The following ABI3BP variants were observed in gnomAD, a reference collection of about 807,000 sequenced individuals.
The protein encoded by ABI3BP is target of Nesh-SH3.
ABI3BP carries 216 observed loss-of-function variants against 268.6 expected under a neutral mutation model. The ratio of observed to expected loss-of-function variants is 0.80; its 90% CI spans 0.72 to 0.90. The LOEUF (loss-of-function observed/expected upper bound fraction) is 0.90, where lower values mean the gene tolerates loss of function less well. Among genes scored for constraint, ABI3BP ranks in the 40% least tolerant of loss-of-function variants. The pLI, the probability that ABI3BP is intolerant of heterozygous loss-of-function variation, is 0.00. For missense variants in ABI3BP, 2,090 were observed against 2,182.4 expected, an observed-to-expected ratio of 0.96 and a Z score of 0.84; for synonymous variants, 730 against 730.0, an observed-to-expected ratio of 1.00 and a Z score of 0.00.
chr3:100,832,240 A>G (rs1304723337), intron 31 of ABI3BP, 24 bp downstream of exon 31: 2 of 1,532,724 alleles, frequency 1.3e-6, no homozygotes, highest in East Asian at 2.4e-5. Flanking sequence ...CTTGGATTCT[A>G]CAAAACAGAA....
intron 1 of ABI3BP, among the ~76,000 whole-genome samples, chr3:100,987,227 T>C (rs1374449338): frequency 6.6e-6 from 1 of 152,226 alleles, no homozygotes; most frequent in Non-Finnish European, 1.5e-5. Flanking sequence ...TCCCATCTCC[T>C]GAATGGCATT....
intron 45 of ABI3BP, 123 bp from the exon 46 acceptor site, chr3:100,812,646 A>G: frequency 1.9e-6 from 1 of 518,078 alleles, no homozygotes; most frequent in Admixed American, 4.3e-5. Context: ...ATTAACACTA[A>G]GGGAAGCTCT....
chr3:100,880,857 A>G (rs1581716206), intron 6 of ABI3BP, among the ~76,000 whole-genome samples: 1 of 152,158 alleles, frequency 6.6e-6, no homozygotes, highest in South Asian at 2.1e-4. Flanking sequence ...TCCATTTGAC[A>G]TTTTTGTGGC....
intron 51 of ABI3BP, among the ~76,000 whole-genome samples, chr3:100,803,862 C>A (rs907360753): frequency 3.3e-5 from 5 of 152,146 alleles, no homozygotes; most frequent in African/African-American, 1.2e-4. Flanking sequence ...ACCAAAGTGA[C>A]TATACCACAG....
intron 29 of ABI3BP, among the ~76,000 whole-genome samples, chr3:100,834,326 G>T (rs1560586209): frequency 6.6e-6 from 1 of 152,016 alleles, no homozygotes; most frequent in African/African-American, 2.4e-5. Flanking sequence ...TAAGTCATTT[G>T]TTTTTTTCTA....
At chr3:100,873,000 A>G (rs1378616501) in intron 9 of ABI3BP, among the ~76,000 whole-genome samples, 1 of 152,176 alleles carries the variant, frequency 6.6e-6, no homozygotes, top group Non-Finnish European at 1.5e-5. Context: ...AATTTTCAAA[A>G]ATTGTAAGTC....
intron 1 of ABI3BP, among the ~76,000 whole-genome samples, chr3:100,933,916 T>C (rs1432872060): frequency 2.0e-5 from 3 of 151,946 alleles, no homozygotes; most frequent in African/African-American, 4.8e-5. Context: ...TAAGCAGCTA[T>C]AGACATCATA....
intron 29 of ABI3BP, among the ~76,000 whole-genome samples, chr3:100,834,308 C>T (rs1195120797): frequency 1.3e-5 from 2 of 152,122 alleles, no homozygotes; most frequent in Non-Finnish European, 2.9e-5. Context: ...TGAAGAGTCT[C>T]ACACAGGTAA....
chr3:100,837,092 A>T (rs1291692743), intron 27 of ABI3BP, 32 bp downstream of exon 27: 2 of 1,513,772 alleles, frequency 1.3e-6, no homozygotes, highest in Non-Finnish European at 1.8e-6. Context: ...GCTCAGAGAA[A>T]CATTGGCCAA....
intron 1 of ABI3BP, among the ~76,000 whole-genome samples, chr3:100,935,020 GCT>G (rs2065415593): frequency 1.3e-5 from 2 of 151,206 alleles, no homozygotes; most frequent in Admixed American, 6.6e-5. Flanking sequence ...TGTTGCCATT[GCT>G]TTTGGTGTTT....
chr3:100,759,625 CCCTT>C (rs777631761), intron 63 of ABI3BP, among the ~76,000 whole-genome samples: 13 of 152,302 alleles, frequency 8.5e-5, no homozygotes, highest in Admixed American at 4.6e-4. Context: ...TTCTTCCACT[CCCTT>C]CCTAAATGCC....
At chr3:100,958,038 A>G (rs867115413) in intron 1 of ABI3BP, among the ~76,000 whole-genome samples, 3 of 147,236 alleles carry the variant, frequency 2.0e-5, no homozygotes, top group Non-Finnish European at 4.6e-5. Flanking sequence ...ATCCATAAGG[A>G]AAAACATGTG....
At chr3:100,911,704 C>T (rs754158368) in intron 2 of ABI3BP, 1 of 778,482 alleles carries the variant, frequency 1.3e-6, no homozygotes, top group East Asian at 2.4e-5. Context: ...ACTAAAGGTA[C>T]CCTGTGAAAA....
At position 100,920,463 on chromosome 3, in the gene ABI3BP, G is replaced by A. The variant is rs57374649; in HGVS notation, c.259+5839C>T. Reference sequence around the variant, plus strand: ...TTTTAAGATGGAGTCTTGCTCTGACGCCCAGGCTGGAGTGCATTGGCGTGA... The same window carrying A: ...TTTTAAGATGGAGTCTTGCTCTGACACCCAGGCTGGAGTGCATTGGCGTGA... On this transcript the variant is annotated intron_variant, in intron 2 of 67. Transcript: ENST00000471714. Among the ~76,000 whole-genome samples the A allele has an allele frequency of 6.5e-3, 985 of 151,814 alleles. 8 individuals carry two copies. Among genetic ancestry groups the A allele is most frequent in the African/African-American group, 0.022 (930 of 41,374 alleles).
intron 1 of ABI3BP, among the ~76,000 whole-genome samples, chr3:100,950,036 T>C (rs1216862862): frequency 6.6e-6 from 1 of 152,166 alleles, no homozygotes; most frequent in African/African-American, 2.4e-5. Context: ...TGAAAAGCAG[T>C]TCCTGAACTG....
chr3:100,766,627 A>G (rs1257889458), intron 62 of ABI3BP, among the ~76,000 whole-genome samples: 1 of 152,240 alleles, frequency 6.6e-6, no homozygotes, highest in Non-Finnish European at 1.5e-5. Flanking sequence ...ATTTCACTTA[A>G]GGGCACATTT....
intron 43 of ABI3BP, chr3:100,816,390 A>T (rs2098046141): frequency 5.7e-6 from 3 of 522,448 alleles, no homozygotes; most frequent in Non-Finnish European, 1.0e-5. Context: ...TTCAATGCAG[A>T]TATAGCAATA....
chr3:100,832,450 A>G, intron 30 of ABI3BP, 100 bp from the exon 31 acceptor site: 1 of 1,121,926 alleles, frequency 8.9e-7, no homozygotes, highest in Non-Finnish European at 1.2e-6. Context: ...TTAGAGTTTG[A>G]GTTGACAGAA....
chr3:100,824,832 C>G (rs1422736295), intron 36 of ABI3BP, 26 bp downstream of exon 36: 1 of 1,526,630 alleles, frequency 6.6e-7, no homozygotes, highest in South Asian at 1.2e-5. Context: ...AGGGATCACC[C>G]TTAAACCAAG....
Sources: allele counts gnomAD v4.1 joint callset (sites outside exome capture counted in the v4.1 genomes callset), GRCh38; gene constraint gnomAD v4.1.1; transcripts MANE v1.5; gene names NCBI Gene and HGNC (gene_info 2026-07-23, HGNC 2026-07-21).